ADCY5: variants seen among roughly 807,000 people sequenced by gnomAD.
ADCY5 encodes the protein adenylate cyclase type 5.
A neutral mutation model predicts 119.7 loss-of-function variants in ADCY5; 30 were observed. That is an observed-to-expected ratio of 0.25 (90% CI 0.19 to 0.34). The LOEUF (loss-of-function observed/expected upper bound fraction) is 0.34, where lower values mean the gene tolerates loss of function less well. ADCY5 is among the 10% of genes least tolerant of loss of function. The pLI is 1.00. For missense variants in ADCY5, 1,324 were observed against 1,775.2 expected, an observed-to-expected ratio of 0.75 and a Z score of 4.57; for synonymous variants, 753 against 762.2, an observed-to-expected ratio of 0.99 and a Z score of 0.20.
At chr3:123,440,373 G>A (rs1322494461) in intron 1 of ADCY5, among the ~76,000 whole-genome samples, 1 of 152,196 alleles carries the variant, frequency 6.6e-6, no homozygotes, top group African/African-American at 2.4e-5. Context: ...TGGGCAGGGA[G>A]GGGGGCCTAT....
intron 1 of ADCY5, among the ~76,000 whole-genome samples, chr3:123,353,971 G>C (rs997763535): frequency 6.6e-6 from 1 of 152,054 alleles, no homozygotes; most frequent in Non-Finnish European, 1.5e-5. Flanking sequence ...AATGCCCTGA[G>C]CTCCCCATGT....
chr3:123,376,145 A>T (rs1324333749), intron 1 of ADCY5, among the ~76,000 whole-genome samples: 1 of 151,872 alleles, frequency 6.6e-6, no homozygotes, highest in East Asian at 1.9e-4. Context: ...GGCAGCCCTC[A>T]GTTTGGGGGC....
chr3:123,314,101 G>A (rs998444313), intron 12 of ADCY5, 134 bp downstream of exon 12: 1 of 658,382 alleles, frequency 1.5e-6, no homozygotes, highest in Non-Finnish European at 2.7e-6. Flanking sequence ...AGGTGTGGCT[G>A]GCATCAGGCA....
Position 123,287,254 on chromosome 3 carries a change from C to T in ADCY5, c.3533-445G>A, listed in dbSNP as rs192509734. The T allele has an allele frequency of 6.9e-4, 108 of 156,210 alleles. 1 individual carries two copies. The highest frequency in any genetic ancestry group is 3.0e-3 in the South Asian group (15 of 5,062). The allele number at this position is 156,210 out of a possible 1,614,324, so 9.7% of individuals were successfully genotyped here. ...CTCTCTCCAAGTCCTCCTGCTCCCC[C>T]GCCTCTGAGCTGGGGCAGGCACACT... On this transcript the variant is annotated intron_variant, in intron 19 of 20. Coordinates refer to ENST00000462833, the MANE Select transcript of ADCY5 (RefSeq NM_183357.3).
chr3:123,293,743 G>T (rs1380638374), intron 17 of ADCY5, among the ~76,000 whole-genome samples: 3 of 152,140 alleles, frequency 2.0e-5, no homozygotes, highest in Non-Finnish European at 2.9e-5. Flanking sequence ...TATGAACTCA[G>T]GATTATTAAA....
At chr3:123,396,017 A>AGAGG (rs1434937534) in intron 1 of ADCY5, among the ~76,000 whole-genome samples, 1 of 116,788 alleles carries the variant, frequency 8.6e-6, no homozygotes, top group African/African-American at 3.2e-5. Flanking sequence ...AGAGAAAGAG[A>AGAGG]GAGGGAGGGA....
At chr3:123,290,058 T>C (rs1426935539) in intron 18 of ADCY5, 104 bp from the exon 19 acceptor site, 3 of 1,136,022 alleles carry the variant, frequency 2.6e-6, no homozygotes, top group East Asian at 2.6e-5. Flanking sequence ...TGGCCCTTCA[T>C]GTGTCCGCTC....
At chr3:123,383,781 G>GCACACACA (rs147271526) in intron 1 of ADCY5, among the ~76,000 whole-genome samples, 3 of 151,168 alleles carry the variant, frequency 2.0e-5, no homozygotes, top group Non-Finnish European at 4.4e-5. Context: ...ATGCAGGCAG[G>GCACACACA]CACACACACA....
At chr3:123,308,473 A>G (rs1940336940) in intron 12 of ADCY5, among the ~76,000 whole-genome samples, 1 of 152,138 alleles carries the variant, frequency 6.6e-6, no homozygotes, top group Admixed American at 6.5e-5. Flanking sequence ...CTCATCTCCT[A>G]TAATTAGAGA....
At chr3:123,421,607 TG>T (rs1193492813) in intron 1 of ADCY5, among the ~76,000 whole-genome samples, 1 of 151,872 alleles carries the variant, frequency 6.6e-6, no homozygotes, top group Non-Finnish European at 1.5e-5. Context: ...CACCCAAGGG[TG>T]GGTGGTAGGC....
At chr3:123,412,691 G>C in intron 1 of ADCY5, among the ~76,000 whole-genome samples, 1 of 152,040 alleles carries the variant, frequency 6.6e-6, no homozygotes, top group East Asian at 1.9e-4. Context: ...GGAAGCCTCT[G>C]GGATCCAACT....
chr3:123,408,424 G>A lies in ADCY5; in HGVS notation c.1134+38988C>T, dbSNP rs564287335. Among the ~76,000 whole-genome samples the A allele has an allele frequency of 6.6e-5, 10 of 151,270 alleles. 1 individual carries two copies. The East Asian group carries it at 1.8e-3, about 27-fold the overall frequency. On this transcript the variant is annotated intron_variant, in intron 1 of 20. Coordinates refer to ENST00000462833, the MANE Select transcript of ADCY5 (RefSeq NM_183357.3). ...TGTAATCCAAGCACTTTGGGAGGCCGAGGTGGGCGGATCACGAGGTCAGGA... is the reference window on the plus strand; with the variant it reads ...TGTAATCCAAGCACTTTGGGAGGCCAAGGTGGGCGGATCACGAGGTCAGGA...
intron 1 of ADCY5, among the ~76,000 whole-genome samples, chr3:123,432,785 C>G (rs143445211): frequency 6.6e-6 from 1 of 152,306 alleles, no homozygotes; most frequent in Non-Finnish European, 1.5e-5. Context: ...CCTCTGCCTC[C>G]CAAAGTGCTG....
intron 1 of ADCY5, chr3:123,420,038 C>G (rs1380298908): frequency 6.6e-6 from 1 of 152,192 alleles, no homozygotes; most frequent in Non-Finnish European, 1.5e-5. Context: ...CAAGACATAT[C>G]TGTTTCCTCA....
chr3:123,345,221 G>A (rs944738737), intron 3 of ADCY5, among the ~76,000 whole-genome samples: 13 of 152,214 alleles, frequency 8.5e-5, no homozygotes, highest in African/African-American at 1.2e-4. Context: ...ACCGTGGAAC[G>A]AGGAATAGGA....
rs115347386 is a variant in ADCY5, at chr3:123,411,673, C to T, written c.1134+35739G>A. Among the ~76,000 whole-genome samples, 1,006 of 152,314 alleles carry T rather than the reference C, an allele frequency of 6.6e-3. 7 individuals carry two copies. The highest frequency in any genetic ancestry group is 0.022 in the African/African-American group (929 of 41,556). On this transcript the variant is annotated intron_variant, in intron 1 of 20. Transcript: ENST00000462833. ...GCACCCCCAATCCAACCCCAGGACT[C>T]GTTCCAGAGGCAAAGCAGGGTGGGG...
chr3:123,334,535 C>G (rs1034425461), intron 3 of ADCY5, among the ~76,000 whole-genome samples: 1 of 152,106 alleles, frequency 6.6e-6, no homozygotes, highest in Non-Finnish European at 1.5e-5. Context: ...GTCAGGTGTT[C>G]GAGCCCAGCC....
intron 1 of ADCY5, among the ~76,000 whole-genome samples, chr3:123,396,064 G>GA (rs1367918361): frequency 6.7e-3 from 171 of 25,668 alleles, no homozygotes; most frequent in Non-Finnish European, 0.012. Context: ...GAGGGAGGGT[G>GA]GGAGGGAGAG....
intron 10 of ADCY5, among the ~76,000 whole-genome samples, chr3:123,318,543 T>C (rs1941046620): frequency 6.6e-6 from 1 of 152,216 alleles, no homozygotes; most frequent in Non-Finnish European, 1.5e-5. Flanking sequence ...AGAGCTCACA[T>C]GACTTGTCCA....
Sources: allele counts gnomAD v4.1 joint callset (sites outside exome capture counted in the v4.1 genomes callset), GRCh38; gene constraint gnomAD v4.1.1; transcripts MANE v1.5; gene names NCBI Gene and HGNC (gene_info 2026-07-23, HGNC 2026-07-21).